Variants in FGD4 observed in about 807,000 individuals in gnomAD.
The protein encoded by FGD4 is FYVE, RhoGEF and PH domain containing 4.
A neutral mutation model predicts 102.0 loss-of-function variants in FGD4; 42 were observed. The ratio of observed to expected loss-of-function variants is 0.41; its 90% CI spans 0.32 to 0.53. The LOEUF is 0.53. Ranked by LOEUF, FGD4 falls within the 20% of genes least tolerant of loss-of-function variation. The probability of loss-of-function intolerance (pLI) is 0.21; values close to 1 mark genes in which losing one functional copy is unlikely to be tolerated. For synonymous variants in FGD4, 380 were observed against 375.7 expected (o/e 1.01, Z -0.13); for missense variants, 902 against 1,078.2 (o/e 0.84, Z 2.29).
chr12:32,462,379 T>C (rs906546593), intron 1 of FGD4, among the ~76,000 whole-genome samples: 2 of 152,134 alleles, frequency 1.3e-5, no homozygotes, highest in African/African-American at 4.8e-5. Flanking sequence ...CAGACTGGCC[T>C]CAAACTCCTG....
intron 1 of FGD4, among the ~76,000 whole-genome samples, chr12:32,445,654 A>G (rs1304026860): frequency 6.6e-6 from 1 of 152,234 alleles, no homozygotes; most frequent in African/African-American, 2.4e-5. Context: ...TGGTCATATA[A>G]GCAGTCATTT....
At chr12:32,638,376 G>A (rs1950970629) in intron 15 of FGD4, among the ~76,000 whole-genome samples, 1 of 152,204 alleles carries the variant, frequency 6.6e-6, no homozygotes. Context: ...CAGTGTTGGT[G>A]TGAGGATTAA....
At chr12:32,537,036 G>A (rs1244905501) in intron 1 of FGD4, among the ~76,000 whole-genome samples, 2 of 151,542 alleles carry the variant, frequency 1.3e-5, no homozygotes, top group African/African-American at 4.9e-5. Flanking sequence ...AGCCTCCCGA[G>A]TAGCTGGGAC....
chr12:32,621,566 C>A (rs1592439557), intron 11 of FGD4, among the ~76,000 whole-genome samples: 1 of 152,188 alleles, frequency 6.6e-6, no homozygotes, highest in African/African-American at 2.4e-5. Context: ...AAAGAGAAAT[C>A]ATTTTAACAG....
chr12:32,550,693 AAAG>A (rs1943590647), intron 1 of FGD4, among the ~76,000 whole-genome samples: 1 of 145,934 alleles, frequency 6.9e-6, no homozygotes, highest in Non-Finnish European at 1.5e-5. Flanking sequence ...AAAAAAAAAG[AAAG>A]AGACAAAAAG....
chr12:32,601,118 A>G (rs1948395171), intron 5 of FGD4, among the ~76,000 whole-genome samples, 160 bp from the exon 6 acceptor site: 2 of 152,232 alleles, frequency 1.3e-5, no homozygotes, highest in Admixed American at 6.5e-5. Context: ...CTTCTAAATC[A>G]AAGCATATAC....
At chr12:32,511,000 G>C (rs767064762) in intron 1 of FGD4, among the ~76,000 whole-genome samples, 10 of 152,176 alleles carry the variant, frequency 6.6e-5, no homozygotes, top group African/African-American at 2.2e-4. Context: ...TTAAGCAGGA[G>C]GATTGAGCCA....
At chr12:32,437,580 C>A (rs1286623046) in intron 1 of FGD4, among the ~76,000 whole-genome samples, 3 of 152,212 alleles carry the variant, frequency 2.0e-5, no homozygotes, top group African/African-American at 7.2e-5. Context: ...GTAAAACCAG[C>A]AGATTTCACA....
At position 32,585,619 on chromosome 12, in the gene FGD4, G is replaced by A. The variant is rs1202328100; in HGVS notation, c.1011+3152G>A. ...GGGAGGCTACGGCAGAGGATCTCTC[G>A]AGTCCAGGAGTTTGAGACCAACCTG... On this transcript the variant is annotated intron_variant, in intron 4 of 16. Transcript: ENST00000534526. 2.6e-5 allele frequency among the ~76,000 whole-genome samples: 4 copies of A among 151,812 alleles called. No individual in the cohort carries two copies. The South Asian group carries it at 6.2e-4, about 24-fold the overall frequency.
chr12:32,564,430 C>T (rs891906374), intron 2 of FGD4, 141 bp downstream of exon 2: 1 of 1,053,026 alleles, frequency 9.5e-7, no homozygotes, highest in Admixed American at 2.8e-5. Context: ...AAGAGTCCAT[C>T]TGTGCATCTT....
chr12:32,422,417 G>T (rs2136419905), intron 1 of FGD4, among the ~76,000 whole-genome samples: 1 of 144,682 alleles, frequency 6.9e-6, no homozygotes, highest in Admixed American at 7.2e-5. Context: ...TCCTGCCTCA[G>T]CCTCCCAAGT....
chr12:32,534,230 A>G, intron 1 of FGD4: 1 of 1,110,672 alleles, frequency 9.0e-7, no homozygotes, highest in Admixed American at 4.0e-5. Context: ...CCTCTCATGC[A>G]ATGTACTGCA....
intron 1 of FGD4, among the ~76,000 whole-genome samples, chr12:32,551,286 C>T (rs971653866): frequency 1.3e-5 from 2 of 152,152 alleles, no homozygotes; most frequent in East Asian, 1.9e-4. Context: ...GACTAAGGAA[C>T]GCTCCCCTGG....
At chr12:32,574,398 A>C (rs1197594076) in intron 2 of FGD4, among the ~76,000 whole-genome samples, 1 of 148,214 alleles carries the variant, frequency 6.7e-6, no homozygotes, top group African/African-American at 2.5e-5. Flanking sequence ...TACTACTCAT[A>C]ATGTTAAAAG....
chr12:32,478,799 A>C (rs963004811), intron 1 of FGD4, among the ~76,000 whole-genome samples: 5 of 152,050 alleles, frequency 3.3e-5, no homozygotes, highest in Non-Finnish European at 5.9e-5. Flanking sequence ...CATATTTAGG[A>C]ATGATCTTAT....
At chr12:32,419,927 A>G (rs548390689) in intron 1 of FGD4, among the ~76,000 whole-genome samples, 27 of 152,308 alleles carry the variant, frequency 1.8e-4, no homozygotes, top group South Asian at 6.2e-4. Flanking sequence ...ACGTGTGGCC[A>G]CTGCTGGGAG....
At chr12:32,476,705 G>C (rs897084207) in intron 1 of FGD4, among the ~76,000 whole-genome samples, 3 of 152,054 alleles carry the variant, frequency 2.0e-5, no homozygotes, top group African/African-American at 7.2e-5. Context: ...GTGAGAACCT[G>C]TTTCTAATTA....
At chr12:32,497,705 C>T (rs1374036218) in intron 1 of FGD4, among the ~76,000 whole-genome samples, 1 of 152,162 alleles carries the variant, frequency 6.6e-6, no homozygotes, top group Non-Finnish European at 1.5e-5. Context: ...GAGCTCCTGG[C>T]ATTTTTACTA....
chr12:32,569,589 G>A (rs1026781054), intron 2 of FGD4, among the ~76,000 whole-genome samples: 7 of 152,062 alleles, frequency 4.6e-5, no homozygotes, highest in African/African-American at 1.4e-4. Flanking sequence ...ACTGAAATCT[G>A]CCCTCCCTTT....
Sources: allele counts gnomAD v4.1 joint callset (sites outside exome capture counted in the v4.1 genomes callset), GRCh38; gene constraint gnomAD v4.1.1; transcripts MANE v1.5; gene names NCBI Gene and HGNC (gene_info 2026-07-23, HGNC 2026-07-21).